DNMBP: variants seen among roughly 807,000 people sequenced by gnomAD.
DNMBP encodes dynamin binding protein.
DNMBP carries 87 observed loss-of-function variants against 150.0 expected under a neutral mutation model. The ratio of observed to expected loss-of-function variants is 0.58; its 90% CI spans 0.49 to 0.69. The LOEUF (loss-of-function observed/expected upper bound fraction) is 0.69. Among genes scored for constraint, DNMBP ranks in the 30% least tolerant of loss-of-function variants. DNMBP has a pLI of 0.00. For synonymous variants in DNMBP, 711 were observed against 750.4 expected (o/e 0.95, Z 0.86); for missense variants, 1,774 against 1,949.0 (o/e 0.91, Z 1.69).
intron 4 of DNMBP, chr10:99,914,073 G>A (rs868161908): frequency 3.5e-6 from 5 of 1,429,872 alleles, no homozygotes; most frequent in African/African-American, 1.5e-5. Context: ...AATAGGGTCG[G>A]CATTTCCCCC....
chr10:99,914,306 C>T (rs1206251142), intron 4 of DNMBP, among the ~76,000 whole-genome samples: 1 of 152,210 alleles, frequency 6.6e-6, no homozygotes, highest in Non-Finnish European at 1.5e-5. Context: ...ATTATTATCT[C>T]TTCCTTTTCT....
At chr10:99,911,291 C>T (rs765043462) in intron 4 of DNMBP, among the ~76,000 whole-genome samples, 5 of 151,960 alleles carry the variant, frequency 3.3e-5, no homozygotes, top group African/African-American at 4.8e-5. Context: ...GAGGCTGAGG[C>T]GGACAGATCA....
At position 99,886,361 on chromosome 10, in the gene DNMBP, T is replaced by C. The variant is rs750686543; in HGVS notation, c.3557A>G (p.Tyr1186Cys). Residue 1186 changes from tyrosine (Y) to cysteine (C), a missense_variant, in exon 13 of 17, where the codon TAT becomes TGT. Tyr to Cys is a radical substitution (Grantham distance 194). This residue lies in a region of DNMBP where 1,430 missense variants were observed against 1,492.5 expected (regional missense o/e 0.96). Transcript: ENST00000324109. ...CACAAAGTCACAGTGGGCTTCAGCATAGCCGTGGACACAGTTGGTGAAGAG... is the reference window on the plus strand; with the variant it reads ...CACAAAGTCACAGTGGGCTTCAGCACAGCCGTGGACACAGTTGGTGAAGAG... ...QGLFTNCVHG[Y>C]AEAHCDFVHQ... 2.1e-5 allele frequency: 34 copies of C among 1,614,174 alleles called. No individual in the cohort carries two copies. Among genetic ancestry groups the C allele is most frequent in the Non-Finnish European group, 2.7e-5 (32 of 1,180,028 alleles).
At position 99,879,909 on chromosome 10, in the gene DNMBP, C is replaced by T. The variant is rs151273746; in HGVS notation, c.4450G>A (p.Gly1484Arg). 3.7e-6 allele frequency: 6 copies of T among 1,614,228 alleles called. No individual in the cohort carries two copies. Among genetic ancestry groups the T allele is most frequent in the Middle Eastern group, 1.6e-4 (1 of 6,062 alleles). Residue 1484 changes from glycine (G) to arginine (R), a missense_variant, in exon 16 of 17, where the codon GGG becomes AGG. Coordinates refer to ENST00000324109, the MANE Select transcript of DNMBP (RefSeq NM_015221.4). Reference sequence around the variant, plus strand: ...CCTTTGACGAGGTCTTGACTTTGCCCATTTCGTCCTGGTACGGAGTAGCCA... The same window carrying T: ...CCTTTGACGAGGTCTTGACTTTGCCTATTTCGTCCTGGTACGGAGTAGCCA... The part of the protein sequence containing the change: ...IVGYSVPGRN[G>R]QSQDLVKGCA...
intron 4 of DNMBP, among the ~76,000 whole-genome samples, chr10:99,928,482 C>A (rs2040107758): frequency 6.6e-6 from 1 of 152,120 alleles, no homozygotes; most frequent in African/African-American, 2.4e-5. Context: ...GGCATGAAGA[C>A]AACATACAGC....
chr10:99,916,295 TCTA>T (rs2039964213), intron 4 of DNMBP, among the ~76,000 whole-genome samples: 1 of 152,194 alleles, frequency 6.6e-6, no homozygotes, highest in Non-Finnish European at 1.5e-5. Flanking sequence ...AAACTCTGTC[TCTA>T]CTAACATTAC....
chr10:100,002,482 C>A (rs1396519549), intron 1 of DNMBP, among the ~76,000 whole-genome samples: 1 of 152,092 alleles, frequency 6.6e-6, no homozygotes, highest in African/African-American at 2.4e-5. Flanking sequence ...AAGTAAAGAC[C>A]GATCCACAGA....
chr10:99,883,199 G>GTAT (rs1393920915), intron 15 of DNMBP, among the ~76,000 whole-genome samples: 2 of 152,142 alleles, frequency 1.3e-5, no homozygotes, highest in Non-Finnish European at 2.9e-5. Flanking sequence ...TTACAGATCA[G>GTAT]TATTATCCCT....
At chr10:99,910,603 C>T (rs1239313938) in intron 4 of DNMBP, among the ~76,000 whole-genome samples, 5 of 152,194 alleles carry the variant, frequency 3.3e-5, no homozygotes, top group African/African-American at 1.2e-4. Flanking sequence ...ATGCCATTCT[C>T]CACTAAAAGG....
intron 1 of DNMBP, among the ~76,000 whole-genome samples, chr10:100,001,614 T>C (rs553464866): frequency 2.0e-5 from 3 of 152,240 alleles, no homozygotes; most frequent in East Asian, 3.9e-4. Context: ...GGTTTGGCCA[T>C]GTTGTCCAGG....
chr10:99,881,549 T>C (rs2039367756), intron 15 of DNMBP, among the ~76,000 whole-genome samples: 1 of 152,178 alleles, frequency 6.6e-6, no homozygotes, highest in African/African-American at 2.4e-5. Flanking sequence ...TGGCCATTAC[T>C]CTATTGATCT....
At position 99,921,687 on chromosome 10, in the gene DNMBP, C is replaced by A. The variant is rs1189052676; in HGVS notation, c.2261-12541G>T. Among the ~76,000 whole-genome samples the A allele has an allele frequency of 4.2e-5, 5 of 119,028 alleles. No homozygotes were observed. In the East Asian group the frequency reaches 1.1e-3, roughly 25 times the overall value. 78.1% of individuals were successfully genotyped at this position (119,028 alleles called of 152,430 possible). On this transcript the variant is annotated intron_variant, in intron 4 of 16. Coordinates refer to ENST00000324109, the MANE Select transcript of DNMBP (RefSeq NM_015221.4). ...TGGCCAACATGGCAAAACTCTGTCTCTACTGAAAAAAAAAAAAAATACAAA... is the reference window on the plus strand; with the variant it reads ...TGGCCAACATGGCAAAACTCTGTCTATACTGAAAAAAAAAAAAAATACAAA...
At chr10:99,953,903 C>T (rs2040451848) in intron 4 of DNMBP, among the ~76,000 whole-genome samples, 1 of 151,994 alleles carries the variant, frequency 6.6e-6, no homozygotes, top group Non-Finnish European at 1.5e-5. Flanking sequence ...ACCTGGAAGT[C>T]TTTAGTGCTT....
rs370152460 is a variant in DNMBP, at chr10:99,957,241, C to T, written c.269-36G>A. 4.2e-5 allele frequency: 65 copies of T among 1,561,034 alleles called. No individual in the cohort carries two copies. The African/African-American group carries it at 6.6e-4, about 16-fold the overall frequency. ...GAGGAGCAGAGATGGTGACCTCAGT[C>T]ATCACCCAGCAGAACATTATCACGA... On this transcript the variant is annotated intron_variant, in intron 3 of 16. Coordinates refer to ENST00000324109, the MANE Select transcript of DNMBP (RefSeq NM_015221.4).
intron 4 of DNMBP, chr10:99,930,342 T>A (rs2040136166): frequency 1.4e-6 from 1 of 702,916 alleles, no homozygotes; most frequent in African/African-American, 1.7e-5. Flanking sequence ...ATTCTTACAG[T>A]CTGAGTAGCC....
chr10:99,907,339 C>A (rs1390625011), intron 6 of DNMBP, among the ~76,000 whole-genome samples: 1 of 150,224 alleles, frequency 6.7e-6, no homozygotes. Flanking sequence ...AAAAAAAAAA[C>A]AACAGATAAG....
intron 14 of DNMBP, 54 bp from the exon 15 acceptor site, chr10:99,884,263 A>G (rs1188450721): frequency 4.0e-6 from 6 of 1,494,252 alleles, no homozygotes; most frequent in Non-Finnish European, 5.6e-6. Context: ...CCCAGCAGCC[A>G]TATTTCATCC....
intron 1 of DNMBP, among the ~76,000 whole-genome samples, chr10:100,004,991 C>T (rs1326378037): frequency 6.6e-6 from 1 of 152,070 alleles, no homozygotes; most frequent in Non-Finnish European, 1.5e-5. Context: ...ACAGAGGAAG[C>T]TATCTGTATA....
intron 11 of DNMBP, among the ~76,000 whole-genome samples, chr10:99,890,742 C>CG (rs2133209736): frequency 6.6e-6 from 1 of 152,218 alleles, no homozygotes; most frequent in East Asian, 1.9e-4. Context: ...CACCTCCCGG[C>CG]GTCAAGCAAT....
Sources: gnomAD v4.1 joint callset for allele counts (sites outside exome capture counted in the v4.1 genomes callset) on GRCh38, gnomAD v4.1.1 for gene constraint, gnomAD v4.1.1 regional missense constraint, MANE v1.5 for transcripts, NCBI Gene and HGNC (gene_info 2026-07-23, HGNC 2026-07-21) for gene names.